The following CADPS variants were observed in gnomAD, a reference collection of about 807,000 sequenced individuals.
The protein encoded by CADPS is calcium dependent secretion activator.
A neutral mutation model predicts 167.3 loss-of-function variants in CADPS; 57 were observed. The observed-to-expected ratio is 0.34, with a 90% CI of 0.28 to 0.42. The LOEUF (loss-of-function observed/expected upper bound fraction) is 0.42. Among genes scored for constraint, CADPS ranks in the 20% least tolerant of loss-of-function variants. CADPS has a pLI of 1.00. For synonymous variants in CADPS, 676 were observed against 635.3 expected (o/e 1.06, Z -0.96); for missense variants, 1,414 against 1,738.1 (o/e 0.81, Z 3.32).
intron 1 of CADPS, among the ~76,000 whole-genome samples, chr3:62,788,047 T>C (rs558274775): frequency 6.6e-6 from 1 of 152,312 alleles, no homozygotes; most frequent in East Asian, 1.9e-4. Flanking sequence ...AAAAATGTCA[T>C]ACTTATTTTG....
chr3:62,466,464 G>A (rs1385902265), intron 24 of CADPS, 51 bp from the exon 25 acceptor site: 3 of 1,143,228 alleles, frequency 2.6e-6, no homozygotes, highest in East Asian at 2.4e-5. Context: ...TGATGGCACT[G>A]CATCCGTCAG....
In CADPS at chr3:62,645,807, C is replaced by G; in HGVS notation, c.1240G>C (p.Ala414Pro). ...GTGCAATATACGATGCGATTTGGAG[C>G]CAAAGATTTGAGGCCTTGGACTTCC... ...IMEVQGLKSL[A>P]PNRIVYCTME... Residue 414 changes from alanine to proline, a missense_variant, in exon 6 of 30, where the codon GCT (alanine) becomes CCT (proline). Physicochemically the swap from Ala to Pro is conservative, Grantham distance 27. Coordinates refer to ENST00000383710, the MANE Select transcript of CADPS (RefSeq NM_003716.4). 6.2e-7 allele frequency: 1 copy of G among 1,614,040 alleles called. No homozygotes were observed. The highest frequency in any genetic ancestry group is 8.5e-7 in the Non-Finnish European group (1 of 1,179,932).
chr3:62,735,399 G>A (rs575967107), intron 3 of CADPS, among the ~76,000 whole-genome samples: 26 of 152,246 alleles, frequency 1.7e-4, no homozygotes, highest in African/African-American at 6.0e-4. Context: ...GGAGATTGAG[G>A]GAAGGAGACT....
chr3:62,808,812 T>C (rs1405501329), intron 1 of CADPS, among the ~76,000 whole-genome samples: 2 of 152,168 alleles, frequency 1.3e-5, no homozygotes, highest in Non-Finnish European at 2.9e-5. Flanking sequence ...TTAGATCCAA[T>C]GCTTAACGGA....
chr3:62,592,768 G>T lies in CADPS; in HGVS notation c.1326-20C>A. ...CCCCAGCTGCAGACAGAATCAAAGA[G>T]GTCATTGTAGACATATCTGCCTTGA... On this transcript the variant is annotated intron_variant, in intron 6 of 29. Transcript: ENST00000383710. The T allele has an allele frequency of 1.9e-6, 3 of 1,567,144 alleles. No individual in the cohort carries two copies. Among genetic ancestry groups the T allele is most frequent in the Non-Finnish European group, 2.6e-6 (3 of 1,137,672 alleles).
At chr3:62,604,160 A>G (rs1256711743) in intron 6 of CADPS, among the ~76,000 whole-genome samples, 7 of 151,876 alleles carry the variant, frequency 4.6e-5, no homozygotes, top group Non-Finnish European at 1.0e-4. Flanking sequence ...ATGATTTCCA[A>G]TTTTTATTGA....
chr3:62,837,489 G>A (rs150621633), intron 1 of CADPS, among the ~76,000 whole-genome samples: 1 of 152,276 alleles, frequency 6.6e-6, no homozygotes, highest in African/African-American at 2.4e-5. Context: ...GCATAGCCGT[G>A]GACTGGGCAC....
intron 3 of CADPS, among the ~76,000 whole-genome samples, chr3:62,744,805 T>C (rs777002847): frequency 1.3e-5 from 2 of 152,206 alleles, no homozygotes; most frequent in Non-Finnish European, 2.9e-5. Context: ...GAAGGCTGCA[T>C]AGAAAATGCC....
chr3:62,503,238 G>A (rs1050713944), intron 17 of CADPS, among the ~76,000 whole-genome samples: 4 of 152,226 alleles, frequency 2.6e-5, no homozygotes, highest in Admixed American at 6.5e-5. Context: ...AATAGGACTT[G>A]ATATATTAAT....
chr3:62,474,153 A>AGTTTTTTTTTTTTT lies in CADPS; in HGVS notation c.3477+19_3477+20insAAAAAAAAAAAAAC. The AGTTTTTTTTTTTTT allele has an allele frequency of 1.4e-6, 1 of 735,996 alleles. No individual in the cohort carries two copies. The highest frequency in any genetic ancestry group is 1.8e-6 in the Non-Finnish European group (1 of 549,888). The allele number at this position is 735,996 out of a possible 1,614,324, so 45.6% of individuals were successfully genotyped here. A position where few individuals can be genotyped will look rare whatever the true frequency, so the allele number is the denominator to read the frequency against. ...AATGAAGAGGGAAAAAAAAATCTGT[A>AGTTTTTTTTTTTTT]TTTTTTTTTTTTTTTTTACCTCTTG... On this transcript the variant is annotated intron_variant, in intron 24 of 29. Transcript: ENST00000383710.
intron 1 of CADPS, among the ~76,000 whole-genome samples, chr3:62,873,059 T>C (rs2153225047): frequency 6.6e-6 from 1 of 152,292 alleles, no homozygotes; most frequent in East Asian, 1.9e-4. Context: ...TCTACTGCAG[T>C]CAAAAATACG....
At chr3:62,448,534 A>G (rs1366767980) in intron 26 of CADPS, among the ~76,000 whole-genome samples, 1 of 152,106 alleles carries the variant, frequency 6.6e-6, no homozygotes, top group East Asian at 1.9e-4. Flanking sequence ...CCATAATAAC[A>G]GGAAAAAATA....
chr3:62,401,163 G>A (rs1251837225), intron 29 of CADPS, among the ~76,000 whole-genome samples: 1 of 152,130 alleles, frequency 6.6e-6, no homozygotes, highest in Non-Finnish European at 1.5e-5. Context: ...GATGGGGACG[G>A]GTAAGAGACT....
At chr3:62,424,736 A>G (rs2052275350) in intron 28 of CADPS, among the ~76,000 whole-genome samples, 1 of 152,224 alleles carries the variant, frequency 6.6e-6, no homozygotes. Flanking sequence ...CATTACATGA[A>G]CCAGAATACT....
chr3:62,416,966 C>T (rs961864201), intron 28 of CADPS, among the ~76,000 whole-genome samples: 1 of 151,980 alleles, frequency 6.6e-6, no homozygotes, highest in African/African-American at 2.4e-5. Context: ...CTCACTGCAG[C>T]CTCAACCTCC....
chr3:62,780,651 G>C (rs2091392194), intron 1 of CADPS, among the ~76,000 whole-genome samples: 4 of 152,148 alleles, frequency 2.6e-5, no homozygotes, highest in Admixed American at 2.6e-4. Context: ...TTTCTGTCTA[G>C]TGGAAAAAAG....
At chr3:62,445,717 A>C in intron 27 of CADPS, 48 bp downstream of exon 27, 1 of 1,361,066 alleles carries the variant, frequency 7.3e-7, no homozygotes. Flanking sequence ...AAAATGAAAA[A>C]AAAAAAAAAC....
chr3:62,752,490 C>T (rs2082921428), intron 3 of CADPS, among the ~76,000 whole-genome samples: 1 of 152,174 alleles, frequency 6.6e-6, no homozygotes, highest in Non-Finnish European at 1.5e-5. Flanking sequence ...ACCCTACCTA[C>T]TAGTTAAAAT....
chr3:62,846,859 G>A (rs2077528496), intron 1 of CADPS, among the ~76,000 whole-genome samples: 1 of 151,998 alleles, frequency 6.6e-6, no homozygotes, highest in African/African-American at 2.4e-5. Flanking sequence ...GTAGAGACAG[G>A]GTTTCGCCAT....
Sources: gnomAD v4.1 joint callset for allele counts (sites outside exome capture counted in the v4.1 genomes callset) on GRCh38, gnomAD v4.1.1 for gene constraint, MANE v1.5 for transcripts, NCBI Gene and HGNC (gene_info 2026-07-23, HGNC 2026-07-21) for gene names.